Variants in EPHB2 observed in about 807,000 individuals in gnomAD.
The protein encoded by EPHB2 is ephrin type-B receptor 2.
EPHB2 carries 18 observed loss-of-function variants against 96.4 expected under a neutral mutation model. That is an observed-to-expected ratio of 0.19 (90% confidence interval 0.13 to 0.28). The LOEUF is 0.28. EPHB2 is among the 10% of genes least tolerant of loss of function. The pLI, the probability that EPHB2 is intolerant of heterozygous loss-of-function variation, is 1.00. For synonymous variants in EPHB2, 506 were observed against 534.1 expected (o/e 0.95, Z 0.72); for missense variants, 989 against 1,355.4 (o/e 0.73, Z 4.25).
chr1:22,912,348 G>A (rs972755860), intron 14 of EPHB2, 96 bp from the exon 15 acceptor site: 34 of 1,541,864 alleles, frequency 2.2e-5, no homozygotes, highest in African/African-American at 5.4e-5. Flanking sequence ...GGATGCACAC[G>A]TGCACATTCA....
chr1:22,741,669 T>C (rs1643903723), intron 1 of EPHB2, among the ~76,000 whole-genome samples: 1 of 75,146 alleles, frequency 1.3e-5, no homozygotes, highest in African/African-American at 3.8e-5. Flanking sequence ...CAGCCTGGTT[T>C]TCTTCCCAGC....
intron 3 of EPHB2, among the ~76,000 whole-genome samples, chr1:22,845,017 G>A (rs775235240): frequency 6.6e-6 from 1 of 152,214 alleles, no homozygotes; most frequent in Non-Finnish European, 1.5e-5. Flanking sequence ...CTATAAAACA[G>A]GGCCAGGAGT....
chr1:22,730,637 A>G (rs191679507), intron 1 of EPHB2, among the ~76,000 whole-genome samples: 236 of 150,876 alleles, frequency 1.6e-3, no homozygotes, highest in African/African-American at 5.6e-3. Flanking sequence ...GGGTTCAGGG[A>G]TATCTGGGGG....
At chr1:22,785,279 C>T (rs1468222704) in intron 3 of EPHB2, among the ~76,000 whole-genome samples, 4 of 152,192 alleles carry the variant, frequency 2.6e-5, no homozygotes, top group Admixed American at 6.5e-5. Context: ...AAACGATCCG[C>T]GCACATGCCG....
chr1:22,727,770 GTTTTC>G (rs1643613742), intron 1 of EPHB2, among the ~76,000 whole-genome samples: 1 of 100,626 alleles, frequency 9.9e-6, no homozygotes, highest in South Asian at 3.0e-4. Context: ...CTTTGCCTAT[GTTTTC>G]TTTTCTTTAA....
chr1:22,895,851 A>G (rs1639541926), intron 8 of EPHB2, among the ~76,000 whole-genome samples: 1 of 152,248 alleles, frequency 6.6e-6, no homozygotes, highest in Admixed American at 6.5e-5. Context: ...TGGGCAAGAA[A>G]GATTGCAGGA....
At chr1:22,856,283 A>G (rs1254431987) in intron 3 of EPHB2, among the ~76,000 whole-genome samples, 4 of 152,300 alleles carry the variant, frequency 2.6e-5, no homozygotes, top group South Asian at 2.1e-4. Flanking sequence ...CACTTGGTCA[A>G]TTATCACCTA....
intron 3 of EPHB2, among the ~76,000 whole-genome samples, chr1:22,852,910 A>T (rs973839334): frequency 2.6e-5 from 4 of 151,858 alleles, no homozygotes; most frequent in Admixed American, 1.3e-4. Context: ...TGGGAGGTGG[A>T]GAGACAGATG....
chr1:22,879,620 A>G (rs928156180), intron 5 of EPHB2, among the ~76,000 whole-genome samples: 1 of 152,200 alleles, frequency 6.6e-6, no homozygotes, highest in African/African-American at 2.4e-5. Flanking sequence ...CAGCTGTGTG[A>G]CCTTGGGGAA....
intron 3 of EPHB2, among the ~76,000 whole-genome samples, chr1:22,839,898 C>A (rs1019126092): frequency 1.3e-5 from 2 of 152,162 alleles, no homozygotes; most frequent in Non-Finnish European, 2.9e-5. Context: ...ACCCTACACT[C>A]CTTCACTTGT....
chr1:22,908,038 A>T lies in EPHB2; in HGVS notation c.2222A>T (p.Asn741Ile). ...GGCATGAAGTACCTGGCAGACATGA[A>T]CTATGTTCACCGTGACCTGGCTGCC... ...AAGMKYLADM[N>I]YVHRDLAARN... The change falls in exon 12 of 16, where the codon AAC becomes ATC. Residue 741 changes from asparagine (N) to isoleucine (I), a missense_variant. Asn to Ile is a moderately radical substitution (Grantham distance 149). Transcript: ENST00000374630. The T allele has an allele frequency of 6.2e-7, 1 of 1,614,246 alleles. No homozygotes were observed. Among genetic ancestry groups the T allele is most frequent in the Non-Finnish European group, 8.5e-7 (1 of 1,180,042 alleles).
intron 4 of EPHB2, among the ~76,000 whole-genome samples, chr1:22,863,726 A>G (rs1206998829): frequency 6.6e-6 from 1 of 152,218 alleles, no homozygotes; most frequent in African/African-American, 2.4e-5. Context: ...CTGGGACAGT[A>G]TGGGCAATCC....
intron 3 of EPHB2, among the ~76,000 whole-genome samples, chr1:22,848,483 C>CT (rs1645576196): frequency 6.6e-6 from 1 of 152,256 alleles, no homozygotes; most frequent in Admixed American, 6.5e-5. Context: ...TACTTCTACT[C>CT]TTACAGCCTA....
intron 5 of EPHB2, among the ~76,000 whole-genome samples, chr1:22,871,159 G>A (rs553464867): frequency 1.3e-5 from 2 of 152,328 alleles, no homozygotes; most frequent in South Asian, 2.1e-4. Context: ...GAGGCATTGA[G>A]AGGTAAGTGA....
Position 22,882,432 on chromosome 1 carries a change from G to T in EPHB2, c.1377G>T (p.Pro459=), listed in dbSNP as rs2229872. 1 of 1,614,068 alleles carries T rather than the reference G, an allele frequency of 6.2e-7. No individual in the cohort carries two copies. Among genetic ancestry groups the T allele is most frequent in the Non-Finnish European group, 8.5e-7 (1 of 1,179,996 alleles). Residue 459 remains proline (P), a synonymous_variant, in exon 6 of 16, where the codon CCG becomes CCT. Coordinates refer to ENST00000374630, the MANE Select transcript of EPHB2 (RefSeq NM_017449.5). ...VDSITLSWSQ[P]DQPNGVILDY... ...GCATTACCCTGTCGTGGTCCCAGCC[G>T]GACCAGCCCAATGGCGTGATCCTGG...
At chr1:22,891,306 C>A in intron 6 of EPHB2, 1 of 419,216 alleles carries the variant, frequency 2.4e-6, no homozygotes, top group Non-Finnish European at 4.8e-6. Flanking sequence ...TTTTCAAGGG[C>A]TCCGTGCACT....
At chr1:22,843,376 T>C (rs1297100343) in intron 3 of EPHB2, among the ~76,000 whole-genome samples, 5 of 152,202 alleles carry the variant, frequency 3.3e-5, no homozygotes, top group African/African-American at 4.8e-5. Flanking sequence ...TAGGAGTACA[T>C]GTGAAGATTT....
At chr1:22,757,082 C>G (rs967046906) in intron 1 of EPHB2, among the ~76,000 whole-genome samples, 4 of 151,996 alleles carry the variant, frequency 2.6e-5, no homozygotes, top group Non-Finnish European at 4.4e-5. Flanking sequence ...ACTTTTTTCA[C>G]TTACAAACTT....
chr1:22,732,436 T>C (rs1267062115), intron 1 of EPHB2, among the ~76,000 whole-genome samples: 1 of 152,194 alleles, frequency 6.6e-6, no homozygotes, highest in African/African-American at 2.4e-5. Context: ...GAGAAAATCT[T>C]TACCCCATCT....
Sources: gnomAD v4.1 joint callset for allele counts (sites outside exome capture counted in the v4.1 genomes callset) on GRCh38, gnomAD v4.1.1 for gene constraint, MANE v1.5 for transcripts, NCBI Gene and HGNC (gene_info 2026-07-23, HGNC 2026-07-21) for gene names.